DYRK4: variants seen among roughly 807,000 people sequenced by gnomAD.
DYRK4 encodes the protein dual specificity tyrosine phosphorylation regulated kinase 4.
DYRK4 carries 64 observed loss-of-function variants against 68.3 expected under a neutral mutation model. The ratio of observed to expected loss-of-function variants is 0.94; its 90% CI spans 0.77 to 1.15. The LOEUF (loss-of-function observed/expected upper bound fraction) is 1.15. DYRK4 is among the 50% of genes most tolerant of loss of function. The pLI, the probability that DYRK4 is intolerant of heterozygous loss-of-function variation, is 0.00. For missense variants in DYRK4, 740 were observed against 764.7 expected (o/e 0.97, Z 0.38); for synonymous variants, 274 against 289.9 (o/e 0.95, Z 0.56).
intron 2 of DYRK4, among the ~76,000 whole-genome samples, chr12:4,582,575 G>C (rs1226451340): frequency 2.0e-5 from 3 of 152,186 alleles, no homozygotes; most frequent in Admixed American, 1.3e-4. Context: ...CAGAGCACAG[G>C]GTAGCGAGTG....
At chr12:4,592,914 G>A (rs896665775) in intron 5 of DYRK4, 88 bp from the exon 6 acceptor site, 14 of 1,513,038 alleles carry the variant, frequency 9.3e-6, no homozygotes, top group Non-Finnish European at 1.2e-5. Flanking sequence ...CTGATGGCTC[G>A]TGACCTGGAA....
intron 6 of DYRK4, among the ~76,000 whole-genome samples, chr12:4,593,400 G>T (rs147948389): frequency 6.6e-6 from 1 of 152,272 alleles, no homozygotes; most frequent in East Asian, 1.9e-4. Context: ...CCCAAGCATA[G>T]TTGGGGTAGC....
intron 6 of DYRK4, 49 bp downstream of exon 6, chr12:4,593,214 G>C (rs756169882): frequency 6.3e-7 from 1 of 1,592,410 alleles, no homozygotes. Flanking sequence ...AGGGACAAGA[G>C]GTAGTCTAGA....
chr12:4,601,712 A>G (rs1030554702), intron 10 of DYRK4, among the ~76,000 whole-genome samples: 2 of 152,196 alleles, frequency 1.3e-5, no homozygotes, highest in African/African-American at 4.8e-5. Context: ...TACTTTACAT[A>G]TATATCTTTT....
intron 1 of DYRK4, among the ~76,000 whole-genome samples, chr12:4,562,870 T>C (rs1344701842): frequency 6.6e-6 from 1 of 152,022 alleles, no homozygotes; most frequent in Non-Finnish European, 1.5e-5. Context: ...TTCCCAATAT[T>C]AGCAAATCTT....
intron 4 of DYRK4, 80 bp downstream of exon 4, chr12:4,590,520 G>C: frequency 6.7e-7 from 1 of 1,498,604 alleles, no homozygotes; most frequent in Non-Finnish European, 8.8e-7. Context: ...GAAAGGCCCA[G>C]GATAGTGGGG....
intron 12 of DYRK4, among the ~76,000 whole-genome samples, chr12:4,607,649 A>C (rs984448864): frequency 6.6e-6 from 1 of 152,220 alleles, no homozygotes; most frequent in African/African-American, 2.4e-5. Context: ...AAGAGCTATC[A>C]GCAAATATTG....
At chr12:4,582,130 G>A (rs1944848389) in intron 2 of DYRK4, among the ~76,000 whole-genome samples, 1 of 152,194 alleles carries the variant, frequency 6.6e-6, no homozygotes, top group Admixed American at 6.5e-5. Flanking sequence ...TAGGCTTTGA[G>A]ATAAGACCCA....
chr12:4,602,524 A>G, intron 10 of DYRK4: 1 of 1,197,864 alleles, frequency 8.3e-7, no homozygotes, highest in East Asian at 2.3e-5. Context: ...GTGGTGGGAT[A>G]TAAGCCAACT....
chr12:4,593,133 A>C lies in DYRK4; in HGVS notation c.595A>C (p.Ser199Arg). 6.2e-7 allele frequency: 1 copy of C among 1,613,786 alleles called. No individual in the cohort carries two copies. Among genetic ancestry groups the C allele is most frequent in the Non-Finnish European group, 8.5e-7 (1 of 1,179,930 alleles). The change falls in exon 6 of 15, where the codon AGT becomes CGT. Residue 199 changes from serine (S) to arginine (R), a missense_variant. By Grantham distance (110) the Ser-to-Arg change is moderately radical. Coordinates refer to ENST00000543431, the MANE Select transcript of DYRK4 (RefSeq NM_001394779.1). ...DTAPEKFSKT[S>R]FDDEHGFYLK... The stretch of plus-strand genomic sequence containing the variant: ...GGCTCCTGAGAAATTTAGCAAGACG[A>C]GTTTTGATGATGAGCATGGCTTCTA...
chr12:4,577,552 G>A (rs897304705), intron 2 of DYRK4, among the ~76,000 whole-genome samples: 1 of 152,198 alleles, frequency 6.6e-6, no homozygotes, highest in Non-Finnish European at 1.5e-5. Flanking sequence ...AGTAAGTCTT[G>A]AGGTTGGGTC....
rs1307524068 is a variant in DYRK4 at position 4,567,940 on chromosome 12, C to G, written c.39-15C>G. 1 of 1,533,946 alleles carries G rather than the reference C, an allele frequency of 6.5e-7. No individual in the cohort carries two copies. The highest frequency in any genetic ancestry group is 8.7e-7 in the Non-Finnish European group (1 of 1,145,028). On this transcript the variant is annotated splice_polypyrimidine_tract_variant and intron_variant, in intron 1 of 14. Transcript: ENST00000543431. The stretch of plus-strand genomic sequence containing the variant: ...ACTCCTCCTGCCAATTTATTTTTTA[C>G]TTTCCCTCATGCAGGACTCAAATGG...
chr12:4,607,803 C>T (rs1183328102), intron 12 of DYRK4, among the ~76,000 whole-genome samples: 1 of 152,192 alleles, frequency 6.6e-6, no homozygotes. Flanking sequence ...TCCATTGCTG[C>T]ATTATTGTTT....
chr12:4,572,645 A>G (rs1944744538), intron 2 of DYRK4, among the ~76,000 whole-genome samples: 1 of 152,142 alleles, frequency 6.6e-6, no homozygotes, highest in Non-Finnish European at 1.5e-5. Flanking sequence ...ACAGGTGTCC[A>G]TTTCATCACC....
chr12:4,571,621 T>A (rs1488536917), intron 2 of DYRK4, among the ~76,000 whole-genome samples: 13 of 152,238 alleles, frequency 8.5e-5, no homozygotes, highest in African/African-American at 3.1e-4. Context: ...ATTTATATCG[T>A]ATTGTAGTTT....
At position 4,573,132 on chromosome 12, in the gene DYRK4, A is replaced by C. The variant is rs563647354; in HGVS notation, c.132+5084A>C. On this transcript the variant is annotated intron_variant, in intron 2 of 14. Coordinates refer to ENST00000543431, the MANE Select transcript of DYRK4 (RefSeq NM_001394779.1). ...TAATGCATTCACCTGTTAAATGCAAATGGAAGACTCGAACTAGAAGAACTT... is the reference window on the plus strand; with the variant it reads ...TAATGCATTCACCTGTTAAATGCAACTGGAAGACTCGAACTAGAAGAACTT... The C allele has an allele frequency of 1.5e-4, 60 of 391,826 alleles. 1 individual carries two copies. Among genetic ancestry groups the C allele is most frequent in the African/African-American group, 1.2e-3 (55 of 47,378 alleles). 24.3% of individuals were successfully genotyped at this position (391,826 alleles called of 1,614,324 possible).
chr12:4,586,905 TCA>T (rs1944903553), intron 2 of DYRK4, among the ~76,000 whole-genome samples: 2 of 152,218 alleles, frequency 1.3e-5, no homozygotes, highest in Non-Finnish European at 2.9e-5. Flanking sequence ...CCCTTAATCC[TCA>T]CAGTGTTTTG....
In DYRK4 at chr12:4,596,604, C is replaced by T. The variant is rs777229067; in HGVS notation, c.780C>T (p.Ala260=). Reference sequence around the variant, plus strand: ...ATCACCTTAGGTTTCACCAGCAGGCCCTGATGGAGCTGAAGATCCTGGAAG... The same window carrying T: ...ATCACCTTAGGTTTCACCAGCAGGCTCTGATGGAGCTGAAGATCCTGGAAG... ...IRNKKRFHQQ[A]LMELKILEAL... The change falls in exon 8 of 15, where the codon GCC becomes GCT. Residue 260 remains alanine, a synonymous_variant. Transcript: ENST00000543431. 1.2e-6 allele frequency: 2 copies of T among 1,613,870 alleles called. No individual in the cohort carries two copies. Among genetic ancestry groups the T allele is most frequent in the Non-Finnish European group, 1.7e-6 (2 of 1,180,006 alleles).
At position 4,565,662 on chromosome 12, in the gene DYRK4, G is replaced by A. The variant is rs184515066; in HGVS notation, c.39-2293G>A. 3.5e-3 allele frequency among the ~76,000 whole-genome samples: 524 copies of A among 148,214 alleles called. 1 individual carries two copies. The highest frequency in any genetic ancestry group is 3.4e-3 in the Middle Eastern group (1 of 294). On this transcript the variant is annotated intron_variant, in intron 1 of 14. Transcript: ENST00000543431. ...TTTTTTTAAGATGGAGTCTTGCTCTGTTGCCCAGGCTGGAGTGCAGTGGTG... is the reference window on the plus strand; with the variant it reads ...TTTTTTTAAGATGGAGTCTTGCTCTATTGCCCAGGCTGGAGTGCAGTGGTG...
Sources: gnomAD v4.1 joint callset for allele counts (sites outside exome capture counted in the v4.1 genomes callset) on GRCh38, gnomAD v4.1.1 for gene constraint, MANE v1.5 for transcripts, NCBI Gene and HGNC (gene_info 2026-07-23, HGNC 2026-07-21) for gene names.